The following TP63 variants were observed in gnomAD, a reference collection of about 807,000 sequenced individuals.
The protein encoded by TP63 is tumor protein 63.
A neutral mutation model predicts 82.8 loss-of-function variants in TP63; 17 were observed. The ratio of observed to expected loss-of-function variants is 0.21; its 90% CI spans 0.14 to 0.31. The LOEUF is 0.31. Among genes scored for constraint, TP63 ranks in the 10% least tolerant of loss-of-function variants. The pLI, the probability that TP63 is intolerant of heterozygous loss-of-function variation, is 1.00. For missense variants in TP63, 648 were observed against 895.3 expected (o/e 0.72, Z 3.52); for synonymous variants, 330 against 321.7 (o/e 1.03, Z -0.28).
the TP63 span, among the ~76,000 whole-genome samples, chr3:189,598,522 T>G: frequency 6.6e-6 from 1 of 152,126 alleles, no homozygotes; most frequent in African/African-American, 2.4e-5. Context: ...AGAAAAATAT[T>G]TAATCAAAGA....
intron 3 of TP63, among the ~76,000 whole-genome samples, chr3:189,769,140 G>A (rs1576913233): frequency 6.6e-6 from 1 of 152,096 alleles, no homozygotes; most frequent in Admixed American, 6.5e-5. Context: ...ATCATGTCTT[G>A]CCTTAAAAAG....
intron 4 of TP63, among the ~76,000 whole-genome samples, chr3:189,831,918 G>A (rs568881201): frequency 4.0e-5 from 5 of 125,228 alleles, no homozygotes; most frequent in East Asian, 2.7e-4. Flanking sequence ...TGCAACCTCC[G>A]CCTCCAGGGT....
rs1722858720 is a variant in TP63 at position 189,765,330 on chromosome 3, G to T, written c.324+26556G>T. Among the ~76,000 whole-genome samples, 8 of 148,320 alleles carry T rather than the reference G, an allele frequency of 5.4e-5. 1 individual carries two copies. The South Asian group carries it at 1.5e-3, about 28-fold the overall frequency. On this transcript the variant is annotated intron_variant, in intron 3 of 13. Coordinates refer to ENST00000264731, the MANE Select transcript of TP63 (RefSeq NM_003722.5). Reference sequence around the variant, plus strand: ...TGTTTTTTTCCCCCCTGAGATCCAAGAATTAATCTCATCAAGTAACATTAA... The same window carrying T: ...TGTTTTTTTCCCCCCTGAGATCCAATAATTAATCTCATCAAGTAACATTAA...
chr3:189,654,309 GA>G (rs1472099768), intron 1 of TP63, among the ~76,000 whole-genome samples: 1 of 151,080 alleles, frequency 6.6e-6, no homozygotes. Flanking sequence ...ATGGCAGAAT[GA>G]AAAAAATATA....
At chr3:189,747,591 A>G (rs1721475488) in intron 3 of TP63, among the ~76,000 whole-genome samples, 1 of 152,160 alleles carries the variant, frequency 6.6e-6, no homozygotes, top group African/African-American at 2.4e-5. Context: ...AGCAGTGTTA[A>G]CAGGGAAGTT....
chr3:189,794,314 C>A (rs2108603508), intron 3 of TP63, among the ~76,000 whole-genome samples: 1 of 151,728 alleles, frequency 6.6e-6, no homozygotes, highest in East Asian at 2.0e-4. Context: ...GGGGAATGAG[C>A]TAAGTATGCA....
chr3:189,600,272 T>C, the TP63 span, among the ~76,000 whole-genome samples: 8 of 152,220 alleles, frequency 5.3e-5, no homozygotes, highest in African/African-American at 1.7e-4. Flanking sequence ...ATTCTGTCTC[T>C]AGTTTGCCAT....
chr3:189,631,121 A>T (rs1386164652), upstream of TP63: 5 of 578,842 alleles, frequency 8.6e-6, no homozygotes, highest in Non-Finnish European at 1.1e-5. Context: ...TTAAACTCTG[A>T]TGCCATTCAT....
At chr3:189,769,799 G>T (rs531496929) in intron 3 of TP63, among the ~76,000 whole-genome samples, 1 of 152,130 alleles carries the variant, frequency 6.6e-6, no homozygotes, top group Non-Finnish European at 1.5e-5. Flanking sequence ...GAGCATAAAA[G>T]TGTCCCTATT....
Position 189,864,443 on chromosome 3 carries a change from T to A in TP63, c.766+25T>A, listed in dbSNP as rs762269643. On this transcript the variant is annotated intron_variant, in intron 5 of 13. Coordinates refer to ENST00000264731, the MANE Select transcript of TP63 (RefSeq NM_003722.5). ...GGTAAGCAGAATTTGAATCTCTAAC[T>A]GTTCAACCTCCTTGAAGGTCAAGAT... is the stretch of plus-strand genomic sequence containing the variant. 1.9e-6 allele frequency: 3 copies of A among 1,605,456 alleles called. No homozygotes were observed. The South Asian group carries it at 3.3e-5, about 18-fold the overall frequency.
At chr3:189,684,921 C>T (rs1716312772) in intron 1 of TP63, among the ~76,000 whole-genome samples, 1 of 151,940 alleles carries the variant, frequency 6.6e-6, no homozygotes. Flanking sequence ...TGTGAACTAC[C>T]GTGCCTGGCC....
chr3:189,604,006 G>A, the TP63 span, among the ~76,000 whole-genome samples: 81 of 151,962 alleles, frequency 5.3e-4, no homozygotes, highest in Admixed American at 1.8e-3. Context: ...GAATAAATGG[G>A]TAAATAGAAC....
At chr3:189,625,549 C>T in the TP63 span, among the ~76,000 whole-genome samples, 10 of 151,850 alleles carry the variant, frequency 6.6e-5, no homozygotes, top group East Asian at 3.9e-4. Flanking sequence ...GAATAAGCAG[C>T]GTAGAATAGA....
At chr3:189,790,202 T>C (rs908156377) in intron 3 of TP63, among the ~76,000 whole-genome samples, 1 of 152,104 alleles carries the variant, frequency 6.6e-6, no homozygotes, top group Non-Finnish European at 1.5e-5. Flanking sequence ...CATGTACCAG[T>C]AAGAAAAATC....
intron 1 of TP63, among the ~76,000 whole-genome samples, chr3:189,682,546 AAAAAAAAATATATATATATATATAT>A (rs1329322495): frequency 0.024 from 895 of 37,788 alleles, 22 homozygotes; most frequent in South Asian, 0.091. Context: ...GAAAAAAAAA[AAAAAAAAATATATATATATATATAT>A]ATATATATAT....
intron 4 of TP63, among the ~76,000 whole-genome samples, chr3:189,858,833 T>C (rs1283456767): frequency 6.6e-6 from 1 of 152,114 alleles, no homozygotes; most frequent in African/African-American, 2.4e-5. Context: ...TGGATAAATC[T>C]GAGGACATTA....
intron 11 of TP63, among the ~76,000 whole-genome samples, chr3:189,888,571 T>G (rs1437901992): frequency 6.6e-6 from 1 of 152,262 alleles, no homozygotes; most frequent in East Asian, 1.9e-4. Context: ...TGCTACTCAC[T>G]AAAGTAGAAA....
intron 7 of TP63, 58 bp from the exon 8 acceptor site, chr3:189,868,522 G>A (rs912941507): frequency 6.2e-7 from 1 of 1,604,244 alleles, no homozygotes; most frequent in African/African-American, 1.3e-5. Context: ...TAGATCTTCA[G>A]GGGACTTTCA....
At chr3:189,846,611 G>GGGGT (rs1230330270) in intron 4 of TP63, among the ~76,000 whole-genome samples, 1 of 141,168 alleles carries the variant, frequency 7.1e-6, no homozygotes, top group African/African-American at 2.7e-5. Context: ...TGGCCAGTAG[G>GGGGT]GTGTGTGTGT....
Sources: gnomAD v4.1 joint callset for allele counts (sites outside exome capture counted in the v4.1 genomes callset) on GRCh38, gnomAD v4.1.1 for gene constraint, MANE v1.5 for transcripts, NCBI Gene and HGNC (gene_info 2026-07-23, HGNC 2026-07-21) for gene names.